The following NOS1AP variants were observed in gnomAD, a reference collection of about 807,000 sequenced individuals.
NOS1AP encodes nitric oxide synthase 1 adaptor protein.
A neutral mutation model predicts 56.2 loss-of-function variants in NOS1AP; 21 were observed. The observed-to-expected ratio is 0.37, with a 90% CI of 0.26 to 0.54. The LOEUF (loss-of-function observed/expected upper bound fraction) is 0.54, where lower values mean the gene tolerates loss of function less well. Among genes scored for constraint, NOS1AP ranks in the 20% least tolerant of loss-of-function variants. NOS1AP has a pLI of 0.84. For missense variants in NOS1AP, 522 were observed against 657.8 expected (o/e 0.79, Z 2.26); for synonymous variants, 270 against 274.6 (o/e 0.98, Z 0.17).
chr1:162,213,413 T>C (rs1012920171), intron 2 of NOS1AP, among the ~76,000 whole-genome samples: 6 of 152,194 alleles, frequency 3.9e-5, no homozygotes, highest in Admixed American at 3.9e-4. Context: ...ACTGATCCTG[T>C]GCAGGCATTT....
chr1:162,333,154 A>C, intron 5 of NOS1AP, 29 bp downstream of exon 5: 1 of 1,487,636 alleles, frequency 6.7e-7, no homozygotes, highest in Non-Finnish European at 9.4e-7. Flanking sequence ...TCCATCTGCT[A>C]TTTTCCTCTA....
At chr1:162,280,227 C>G (rs1654872857) in intron 2 of NOS1AP, among the ~76,000 whole-genome samples, 2 of 152,278 alleles carry the variant, frequency 1.3e-5, no homozygotes, top group African/African-American at 4.8e-5. Context: ...ATGCTTAGCA[C>G]TCTGTGGAAT....
intron 2 of NOS1AP, among the ~76,000 whole-genome samples, chr1:162,200,418 C>T (rs947355943): frequency 2.6e-5 from 4 of 152,178 alleles, no homozygotes; most frequent in Non-Finnish European, 5.9e-5. Context: ...GTCTGTGACT[C>T]CTTGGGCTGC....
intron 4 of NOS1AP, among the ~76,000 whole-genome samples, chr1:162,320,779 G>A (rs1478909633): frequency 6.6e-6 from 1 of 152,166 alleles, no homozygotes; most frequent in East Asian, 1.9e-4. Flanking sequence ...GCTTGAACCA[G>A]GGAGGTGGAG....
chr1:162,233,469 A>G (rs968285824), intron 2 of NOS1AP, among the ~76,000 whole-genome samples: 6 of 152,004 alleles, frequency 3.9e-5, no homozygotes, highest in African/African-American at 1.2e-4. Context: ...GACAAAATCA[A>G]TAGTGTACAG....
intron 2 of NOS1AP, among the ~76,000 whole-genome samples, chr1:162,155,440 C>CATAT (rs141153683): frequency 4.1e-5 from 6 of 145,856 alleles, no homozygotes; most frequent in East Asian, 2.0e-4. Context: ...TACATATATA[C>CATAT]ATATATATAT....
At chr1:162,305,722 A>G (rs897061416) in intron 4 of NOS1AP, among the ~76,000 whole-genome samples, 1 of 152,164 alleles carries the variant, frequency 6.6e-6, no homozygotes, top group Admixed American at 6.5e-5. Flanking sequence ...TACCCCCACA[A>G]TATGAAGTTA....
chr1:162,353,417 C>G (rs1023209030), intron 6 of NOS1AP, among the ~76,000 whole-genome samples: 1 of 152,114 alleles, frequency 6.6e-6, no homozygotes, highest in Non-Finnish European at 1.5e-5. Flanking sequence ...GGGCTTCTGG[C>G]GAGGCCCTGT....
At chr1:162,170,903 C>A (rs1164653719) in intron 2 of NOS1AP, among the ~76,000 whole-genome samples, 2 of 150,830 alleles carry the variant, frequency 1.3e-5, no homozygotes, top group African/African-American at 4.9e-5. Flanking sequence ...TGTGCCATTG[C>A]ACTCTAACCT....
chr1:162,135,187 T>C (rs1363159165), intron 1 of NOS1AP, among the ~76,000 whole-genome samples: 2 of 152,218 alleles, frequency 1.3e-5, no homozygotes, highest in Non-Finnish European at 2.9e-5. Context: ...TTGAATCATA[T>C]GTCTCTCTTT....
chr1:162,369,380 C>T lies in NOS1AP; in HGVS notation c.*1913C>T, dbSNP rs537231647. Reference sequence around the variant, plus strand: ...ATCCAGTGTGGCTGAGCCTACCTAGCTTATGAAATCTAACCCAGGGTTCCC... The same window carrying T: ...ATCCAGTGTGGCTGAGCCTACCTAGTTTATGAAATCTAACCCAGGGTTCCC... On this transcript the variant is annotated 3_prime_UTR_variant, in exon 10 of 10. Coordinates refer to ENST00000361897, the MANE Select transcript of NOS1AP (RefSeq NM_014697.3). 156 of 152,258 alleles carry T rather than the reference C, an allele frequency of 1.0e-3. No homozygotes were observed. Among genetic ancestry groups the T allele is most frequent in the African/African-American group, 3.7e-3 (152 of 41,536 alleles). 9.4% of individuals were successfully genotyped at this position (152,258 alleles called of 1,614,324 possible). A position where few individuals can be genotyped will look rare whatever the true frequency, so the allele number is the denominator to read the frequency against.
rs754303949 is a variant in NOS1AP at position 162,355,186 on chromosome 1, G to T, written c.596-1G>T. The T allele has an allele frequency of 6.2e-7, 1 of 1,614,124 alleles. No homozygotes were observed. The highest frequency in any genetic ancestry group is 8.5e-7 in the Non-Finnish European group (1 of 1,180,024). On this transcript the variant is annotated splice_acceptor_variant, in intron 6 of 9. Transcript: ENST00000361897. LOFTEE classifies it high-confidence loss of function. ...CCCTCCCTCCCCTGTTGTTCCTGCA[G>T]GCCGCCAGCTCACTGGAGCCGAGAG...
chr1:162,316,053 A>G (rs1410293560), intron 4 of NOS1AP, among the ~76,000 whole-genome samples: 1 of 152,238 alleles, frequency 6.6e-6, no homozygotes, highest in Admixed American at 6.5e-5. Flanking sequence ...CACAATTCCC[A>G]GAAATTAATT....
intron 2 of NOS1AP, among the ~76,000 whole-genome samples, chr1:162,205,428 C>T (rs1652129954): frequency 6.6e-6 from 1 of 152,174 alleles, no homozygotes; most frequent in South Asian, 2.1e-4. Flanking sequence ...CTCTCTTTCC[C>T]CAGTTGCCAT....
At chr1:162,294,222 A>AGGAAGGAAGGAG (rs1368335883) in intron 3 of NOS1AP, among the ~76,000 whole-genome samples, 12,715 of 147,640 alleles carry the variant, frequency 0.086, 1,017 homozygotes, top group African/African-American at 0.15. Flanking sequence ...GAAGGAAGGA[A>AGGAAGGAAGGAG]GGAAGAAAGA....
At chr1:162,299,679 A>G (rs1345422904) in intron 3 of NOS1AP, among the ~76,000 whole-genome samples, 4 of 152,188 alleles carry the variant, frequency 2.6e-5, no homozygotes, top group Non-Finnish European at 5.9e-5. Flanking sequence ...TTGATATTGG[A>G]TGTTTTTAAA....
intron 1 of NOS1AP, among the ~76,000 whole-genome samples, chr1:162,124,149 T>A (rs1648372398): frequency 1.3e-5 from 2 of 152,130 alleles, no homozygotes; most frequent in Non-Finnish European, 2.9e-5. Flanking sequence ...TTCAGTAGCT[T>A]TAGGGGTACA....
At chr1:162,261,083 TCCCAAAGTGCCTTGAAAGTTA>T (rs1343750189) in intron 2 of NOS1AP, among the ~76,000 whole-genome samples, 1 of 139,116 alleles carries the variant, frequency 7.2e-6, no homozygotes, top group African/African-American at 2.7e-5. Context: ...TTTGTTATAC[TCCCAAAGTGCCTTGAAAGTTA>T]ATATTTATTT....
At chr1:162,337,552 G>T (rs1656979638) in intron 5 of NOS1AP, among the ~76,000 whole-genome samples, 1 of 152,182 alleles carries the variant, frequency 6.6e-6, no homozygotes, top group Non-Finnish European at 1.5e-5. Flanking sequence ...CATCTAGTCT[G>T]AATCACTCTC....
Sources: gnomAD v4.1 joint callset for allele counts (sites outside exome capture counted in the v4.1 genomes callset) on GRCh38, gnomAD v4.1.1 for gene constraint, MANE v1.5 for transcripts, NCBI Gene and HGNC (gene_info 2026-07-23, HGNC 2026-07-21) for gene names.